Variants in CLVS2 observed in about 807,000 individuals in gnomAD.
CLVS2 encodes clavesin 2.
CLVS2 carries 19 observed loss-of-function variants against 29.0 expected under a neutral mutation model. The observed-to-expected ratio is 0.66, with a 90% CI of 0.46 to 0.96. The LOEUF (loss-of-function observed/expected upper bound fraction) is 0.96. CLVS2 is among the 40% of genes least tolerant of loss of function. The probability of loss-of-function intolerance (pLI) is 0.00; values close to 1 mark genes in which losing one functional copy is unlikely to be tolerated. For synonymous variants in CLVS2, 161 were observed against 151.3 expected (o/e 1.06, Z -0.47); for missense variants, 294 against 404.1 (o/e 0.73, Z 2.34).
At chr6:123,003,442 C>A (rs1774618926) in intron 2 of CLVS2, among the ~76,000 whole-genome samples, 1 of 152,140 alleles carries the variant, frequency 6.6e-6, no homozygotes, top group Non-Finnish European at 1.5e-5. Flanking sequence ...TTACTGAGGG[C>A]AGGTACATCT....
Position 123,065,242 on chromosome 6 carries a change from T to C in CLVS2, c.*1481T>C, listed in dbSNP as rs1772835668. The C allele has an allele frequency of 6.6e-6, 1 of 151,890 alleles. No homozygotes were observed. The highest frequency in any genetic ancestry group is 1.5e-5 in the Non-Finnish European group (1 of 67,806). 9.4% of individuals were successfully genotyped at this position (151,890 alleles called of 1,614,324 possible). A position where few individuals can be genotyped will look rare whatever the true frequency, so the allele number is the denominator to read the frequency against. ...AATTTCAATGTGAAAAAATGATTTT[T>C]ATCACCCATAATAAATTTTGAGATT... On this transcript the variant is annotated 3_prime_UTR_variant, in exon 6 of 6. Transcript: ENST00000275162.
At chr6:123,063,607 G>A in intron 5 of CLVS2, 67 bp from the exon 6 acceptor site, 1 of 850,308 alleles carries the variant, frequency 1.2e-6, no homozygotes, top group Middle Eastern at 2.3e-4. Context: ...ATGACAAAAA[G>A]AGGAGAGAAT....
intron 3 of CLVS2, among the ~76,000 whole-genome samples, chr6:123,032,805 T>A (rs1054540512): frequency 5.9e-5 from 9 of 152,118 alleles, no homozygotes; most frequent in Admixed American, 3.3e-4. Flanking sequence ...CTTACCTTGA[T>A]CAACAACAGC....
At chr6:123,046,209 C>T (rs1235206834) in intron 3 of CLVS2, among the ~76,000 whole-genome samples, 4 of 152,180 alleles carry the variant, frequency 2.6e-5, no homozygotes, top group Non-Finnish European at 4.4e-5. Context: ...CACTCTGCCT[C>T]AACTGTGATT....
At position 123,066,761 on chromosome 6, in the gene CLVS2, G is replaced by C. The variant is rs942414571; in HGVS notation, c.*3000G>C. 1 of 151,640 alleles carries C rather than the reference G, an allele frequency of 6.6e-6. No homozygotes were observed. Among genetic ancestry groups the C allele is most frequent in the Non-Finnish European group, 1.5e-5 (1 of 67,732 alleles). 9.4% of individuals were successfully genotyped at this position (151,640 alleles called of 1,614,324 possible). A position where few individuals can be genotyped will look rare whatever the true frequency, so the allele number is the denominator to read the frequency against. On this transcript the variant is annotated 3_prime_UTR_variant, in exon 6 of 6. Coordinates refer to ENST00000275162, the MANE Select transcript of CLVS2 (RefSeq NM_001010852.4). ...AAAATGGAATAAAGCAACGTTACTG[G>C]CATATGGATTTTATTTGTACTCTCT...
At chr6:123,013,492 A>G (rs1489470962) in intron 3 of CLVS2, among the ~76,000 whole-genome samples, 1 of 152,030 alleles carries the variant, frequency 6.6e-6, no homozygotes, top group Non-Finnish European at 1.5e-5. Context: ...ATTGAACCAA[A>G]AATAAGAAAG....
intron 3 of CLVS2, among the ~76,000 whole-genome samples, chr6:123,015,366 G>A (rs185781212): frequency 7.9e-5 from 12 of 152,166 alleles, no homozygotes; most frequent in Admixed American, 3.3e-4. Flanking sequence ...TCAAAGGAAA[G>A]AGAAGTTAGA....
chr6:123,052,273 G>T (rs904098873), intron 4 of CLVS2, among the ~76,000 whole-genome samples: 4 of 152,148 alleles, frequency 2.6e-5, no homozygotes, highest in African/African-American at 9.7e-5. Flanking sequence ...GAAGAGATGT[G>T]CAGGATGTAG....
chr6:123,048,923 G>C (rs1029120214), intron 4 of CLVS2, among the ~76,000 whole-genome samples, 191 bp downstream of exon 4: 8 of 152,106 alleles, frequency 5.3e-5, no homozygotes, highest in African/African-American at 1.9e-4. Context: ...GCATTTAAAA[G>C]CTAGCTCTCC....
chr6:123,000,878 A>G (rs1367742406), intron 2 of CLVS2, among the ~76,000 whole-genome samples: 1 of 152,170 alleles, frequency 6.6e-6, no homozygotes, highest in Non-Finnish European at 1.5e-5. Flanking sequence ...ATGATTACAT[A>G]GATAAATTCT....
intron 2 of CLVS2, among the ~76,000 whole-genome samples, chr6:123,006,170 C>G (rs1415973241): frequency 1.3e-5 from 2 of 152,168 alleles, no homozygotes; most frequent in African/African-American, 4.8e-5. Context: ...GTGGCGGGCC[C>G]AGAGGAGGGC....
chr6:123,056,085 T>G, intron 5 of CLVS2, 59 bp downstream of exon 5: 1 of 1,129,426 alleles, frequency 8.9e-7, no homozygotes, highest in Non-Finnish European at 1.3e-6. Context: ...GCATCCTGAG[T>G]CAAACTCAAA....
At chr6:123,028,410 A>T (rs116916386) in intron 3 of CLVS2, among the ~76,000 whole-genome samples, 185 of 152,350 alleles carry the variant, frequency 1.2e-3, no homozygotes, top group Non-Finnish European at 2.2e-3. Context: ...CTGTAATCCC[A>T]GCAGTTTGGG....
chr6:123,037,685 C>G (rs1053463839), intron 3 of CLVS2, among the ~76,000 whole-genome samples: 2 of 151,828 alleles, frequency 1.3e-5, no homozygotes, highest in Non-Finnish European at 2.9e-5. Context: ...TTGGGGGAAC[C>G]TGGTATGTGG....
At chr6:123,005,999 GA>G in intron 2 of CLVS2, among the ~76,000 whole-genome samples, 1 of 152,204 alleles carries the variant, frequency 6.6e-6, no homozygotes, top group Non-Finnish European at 1.5e-5. Flanking sequence ...ATTTGGTGCT[GA>G]AGATAGAAAG....
chr6:123,036,250 A>T (rs1052715806), intron 3 of CLVS2, among the ~76,000 whole-genome samples: 24 of 152,140 alleles, frequency 1.6e-4, no homozygotes, highest in African/African-American at 5.6e-4. Context: ...GTAAAATAAA[A>T]CTTCTAGAGA....
At position 123,024,666 on chromosome 6, in the gene CLVS2, G is replaced by T. The variant is rs553758380; in HGVS notation, c.564+13507G>T. On this transcript the variant is annotated intron_variant, in intron 3 of 5. Coordinates refer to ENST00000275162, the MANE Select transcript of CLVS2 (RefSeq NM_001010852.4). ...ATTCAGGATAAGTAGTCATCAAAAGGACTATGAGAAAGATATCTAATGTAT... is the reference window on the plus strand; with the variant it reads ...ATTCAGGATAAGTAGTCATCAAAAGTACTATGAGAAAGATATCTAATGTAT... Among the ~76,000 whole-genome samples the T allele has an allele frequency of 8.5e-5, 13 of 152,186 alleles. No homozygotes were observed. The South Asian group carries it at 2.5e-3, about 29-fold the overall frequency.
At chr6:123,039,664 C>T (rs1190238061) in intron 3 of CLVS2, among the ~76,000 whole-genome samples, 1 of 152,134 alleles carries the variant, frequency 6.6e-6, no homozygotes, top group East Asian at 1.9e-4. Flanking sequence ...GTGGCTATGA[C>T]TTGCTTCCAT....
At chr6:123,050,135 A>G (rs1190852428) in intron 4 of CLVS2, among the ~76,000 whole-genome samples, 2 of 152,322 alleles carry the variant, frequency 1.3e-5, no homozygotes, top group Non-Finnish European at 2.9e-5. Context: ...AATTCTATAA[A>G]CAATTATAAT....
Sources: allele counts gnomAD v4.1 joint callset (sites outside exome capture counted in the v4.1 genomes callset), GRCh38; gene constraint gnomAD v4.1.1; transcripts MANE v1.5; gene names NCBI Gene and HGNC (gene_info 2026-07-23, HGNC 2026-07-21).